The following KLHL1 variants were observed in gnomAD, a reference collection of about 807,000 sequenced individuals.
The protein encoded by KLHL1 is kelch-like protein 1.
A neutral mutation model predicts 77.7 loss-of-function variants in KLHL1; 47 were observed. The observed-to-expected ratio is 0.60, with a 90% confidence interval of 0.48 to 0.77. The LOEUF (loss-of-function observed/expected upper bound fraction) is 0.77, where lower values mean the gene tolerates loss of function less well. Ranked by LOEUF, KLHL1 falls within the 30% of genes least tolerant of loss-of-function variation. The pLI is 0.00. For synonymous variants in KLHL1, 360 were observed against 325.2 expected (o/e 1.11, Z -1.15); for missense variants, 925 against 910.8 (o/e 1.02, Z -0.20).
At chr13:69,734,295 C>T (rs1873677752) in intron 8 of KLHL1, among the ~76,000 whole-genome samples, 1 of 152,112 alleles carries the variant, frequency 6.6e-6, no homozygotes, top group African/African-American at 2.4e-5. Flanking sequence ...TTTCCTGAGG[C>T]CTCCCTAGAA....
At chr13:69,832,388 C>T (rs1878795422) in intron 6 of KLHL1, among the ~76,000 whole-genome samples, 1 of 149,448 alleles carries the variant, frequency 6.7e-6, no homozygotes, top group Admixed American at 6.7e-5. Flanking sequence ...CAGGAATATA[C>T]CTAAGCAAGG....
At chr13:69,874,325 C>T (rs545856355) in intron 5 of KLHL1, among the ~76,000 whole-genome samples, 3 of 152,090 alleles carry the variant, frequency 2.0e-5, no homozygotes, top group African/African-American at 7.2e-5. Context: ...TTGGTGATAT[C>T]ATGTTATGTT....
chr13:69,871,726 CTT>C (rs76951131), intron 5 of KLHL1, among the ~76,000 whole-genome samples: 29 of 141,942 alleles, frequency 2.0e-4, no homozygotes, highest in Non-Finnish European at 3.1e-4. Context: ...ATTCGGCCAA[CTT>C]TTTTTTTTTT....
chr13:70,007,718 T>C (rs1214940222), intron 1 of KLHL1, among the ~76,000 whole-genome samples: 1 of 152,042 alleles, frequency 6.6e-6, no homozygotes, highest in East Asian at 1.9e-4. Flanking sequence ...TGTATTACTT[T>C]ACAAATTAAA....
At chr13:70,022,281 T>G (rs2472274) in intron 1 of KLHL1, among the ~76,000 whole-genome samples, 79,591 of 134,484 alleles carry the variant, frequency 0.59, 21,760 homozygotes, top group East Asian at 0.74. Flanking sequence ...ACGTGTGTGT[T>G]TGTGTGTGTG....
chr13:69,947,942 C>T (rs1438841754), intron 3 of KLHL1, among the ~76,000 whole-genome samples: 3 of 152,030 alleles, frequency 2.0e-5, no homozygotes, highest in African/African-American at 4.8e-5. Flanking sequence ...CAAGGCATAA[C>T]GTTCTCAAAT....
intron 1 of KLHL1, among the ~76,000 whole-genome samples, chr13:70,023,070 T>G (rs1885843994): frequency 6.6e-6 from 1 of 151,958 alleles, no homozygotes; most frequent in African/African-American, 2.4e-5. Flanking sequence ...ACACAGACCT[T>G]TATTCACTAT....
intron 1 of KLHL1, among the ~76,000 whole-genome samples, chr13:70,022,972 T>A (rs1038631770): frequency 1.3e-4 from 19 of 151,974 alleles, no homozygotes. Context: ...ATGTTGAAGT[T>A]TCGATCATGT....
chr13:69,833,141 A>G (rs867400658), intron 6 of KLHL1, among the ~76,000 whole-genome samples: 5 of 152,188 alleles, frequency 3.3e-5, no homozygotes, highest in Non-Finnish European at 4.4e-5. Flanking sequence ...CTGCACACCA[A>G]AGGAAATAAT....
At position 69,892,060 on chromosome 13, in the gene KLHL1, A is replaced by T. The variant is rs565120065; in HGVS notation, c.1015-9565T>A. Among the ~76,000 whole-genome samples the T allele has an allele frequency of 3.4e-3, 525 of 152,224 alleles. 3 individuals carry two copies. Among genetic ancestry groups the T allele is most frequent in the Admixed American group, 5.6e-3 (86 of 15,300 alleles). On this transcript the variant is annotated intron_variant, in intron 4 of 10. Transcript: ENST00000377844. ...GTAGTATTTATTTTTATAATTAGTA[A>T]TATTAGGTACATTAACTTCCTGGTA... is the stretch of plus-strand genomic sequence containing the variant.
chr13:69,919,252 T>A (rs1379251246), intron 4 of KLHL1, among the ~76,000 whole-genome samples: 1 of 152,182 alleles, frequency 6.6e-6, no homozygotes, highest in African/African-American at 2.4e-5. Context: ...CCATGCAATA[T>A]TCATTTCCTC....
At chr13:69,866,506 C>A (rs1880369044) in intron 5 of KLHL1, among the ~76,000 whole-genome samples, 1 of 152,072 alleles carries the variant, frequency 6.6e-6, no homozygotes, top group Non-Finnish European at 1.5e-5. Flanking sequence ...CCTAGTGTTT[C>A]TGTGGATCAT....
intron 6 of KLHL1, among the ~76,000 whole-genome samples, chr13:69,835,821 A>G (rs912672460): frequency 2.0e-5 from 3 of 149,474 alleles, no homozygotes; most frequent in African/African-American, 7.7e-5. Flanking sequence ...AATGGACAGA[A>G]TGAAAAAAAA....
At chr13:69,962,670 T>A (rs1884101989) in intron 2 of KLHL1, among the ~76,000 whole-genome samples, 1 of 152,028 alleles carries the variant, frequency 6.6e-6, no homozygotes, top group East Asian at 1.9e-4. Context: ...ATGTTGTTAA[T>A]GATATTTTAG....
At chr13:69,939,973 C>G (rs1883316531) in intron 4 of KLHL1, 67 bp downstream of exon 4, 1 of 1,246,374 alleles carries the variant, frequency 8.0e-7, no homozygotes, top group South Asian at 1.7e-5. Flanking sequence ...AATGCCATGA[C>G]AGTAATTATT....
intron 1 of KLHL1, among the ~76,000 whole-genome samples, chr13:70,069,320 G>T (rs1043296762): frequency 6.6e-6 from 1 of 152,194 alleles, no homozygotes; most frequent in Non-Finnish European, 1.5e-5. Context: ...GGCACCAGAA[G>T]GAGTCTTAGC....
At chr13:69,914,237 A>G (rs550592023) in intron 4 of KLHL1, among the ~76,000 whole-genome samples, 1 of 152,256 alleles carries the variant, frequency 6.6e-6, no homozygotes, top group South Asian at 2.1e-4. Context: ...CTGTCCCTCT[A>G]GAGAACCTTG....
chr13:70,017,325 C>T (rs1328965152), intron 1 of KLHL1, among the ~76,000 whole-genome samples: 1 of 152,200 alleles, frequency 6.6e-6, no homozygotes, highest in Non-Finnish European at 1.5e-5. Flanking sequence ...CTCTATGGTC[C>T]ATGGTGTCTC....
intron 3 of KLHL1, among the ~76,000 whole-genome samples, chr13:69,952,638 ATC>A (rs1883746511): frequency 6.6e-6 from 1 of 151,398 alleles, no homozygotes; most frequent in African/African-American, 2.4e-5. Flanking sequence ...CCTTCAGAAC[ATC>A]TTCAGCATGC....
Sources: allele counts gnomAD v4.1 joint callset (sites outside exome capture counted in the v4.1 genomes callset), GRCh38; gene constraint gnomAD v4.1.1; transcripts MANE v1.5; gene names NCBI Gene and HGNC (gene_info 2026-07-23, HGNC 2026-07-21).